The following MEF2C variants were observed in gnomAD, a reference collection of about 807,000 sequenced individuals.
MEF2C encodes the protein myocyte-specific enhancer factor 2C.
MEF2C carries 6 observed loss-of-function variants against 50.5 expected under a neutral mutation model. That is an observed-to-expected ratio of 0.12 (90% CI 0.07 to 0.23). The LOEUF is 0.23. MEF2C is among the 10% of genes least tolerant of loss of function. The pLI is 1.00. For synonymous variants in MEF2C, 183 were observed against 228.0 expected (o/e 0.80, Z 1.78); for missense variants, 276 against 605.0 (o/e 0.46, Z 5.70).
At chr5:88,844,755 T>A (rs1318361147) in intron 1 of MEF2C, 1 of 180,104 alleles carries the variant, frequency 5.6e-6, no homozygotes, top group Non-Finnish European at 1.1e-5. Flanking sequence ...CCAGCAAGTA[T>A]TTACTTACAA....
In MEF2C at chr5:88,769,962, A is replaced by C. The variant is rs550690745; in HGVS notation, c.259-8634T>G. 4.1e-6 allele frequency: 4 copies of C among 985,286 alleles called. No homozygotes were observed. The South Asian group carries it at 1.9e-4, about 46-fold the overall frequency. 61.0% of individuals were successfully genotyped at this position (985,286 alleles called of 1,614,324 possible). A position where few individuals can be genotyped will look rare whatever the true frequency, so the allele number is the denominator to read the frequency against. ...TGTCCAGCCTATCCTAATAATCTTT[A>C]TAATGCAAGTTAAGAAAAGAAAGGC... On this transcript the variant is annotated intron_variant, in intron 3 of 10. Coordinates refer to ENST00000504921, the MANE Select transcript of MEF2C (RefSeq NM_002397.5).
intron 1 of MEF2C, chr5:88,888,844 A>G (rs1834242976): frequency 6.6e-6 from 1 of 152,176 alleles, no homozygotes; most frequent in Non-Finnish European, 1.5e-5. Context: ...ATTCAAAAAT[A>G]ACCACATGCA....
At chr5:88,740,930 A>C (rs1309216817) in intron 6 of MEF2C, 1 of 985,294 alleles carries the variant, frequency 1.0e-6, no homozygotes, top group Non-Finnish European at 1.2e-6. Flanking sequence ...TTATAAACAA[A>C]AATATTGAGA....
At chr5:88,843,399 TA>T in intron 1 of MEF2C, 1 of 985,184 alleles carries the variant, frequency 1.0e-6, no homozygotes, top group Non-Finnish European at 1.2e-6. Flanking sequence ...GAAATTAAGC[TA>T]AAAAAATCAA....
chr5:88,843,353 C>CA (rs141225894), intron 1 of MEF2C: 65,278 of 982,488 alleles, frequency 0.066, 2,267 homozygotes, highest in South Asian at 0.077. Flanking sequence ...TGGTTCCCCC[C>CA]AAAAAAAACC....
chr5:88,825,702 G>T, intron 1 of MEF2C: 1 of 825,414 alleles, frequency 1.2e-6, no homozygotes, highest in Non-Finnish European at 1.5e-6. Context: ...ACTTTCCTGT[G>T]TTTCCTATAG....
At chr5:88,825,589 A>C in intron 1 of MEF2C, 1 of 981,370 alleles carries the variant, frequency 1.0e-6, no homozygotes, top group Non-Finnish European at 1.2e-6. Context: ...AATCACATTA[A>C]AATATGAAAA....
intron 3 of MEF2C, among the ~76,000 whole-genome samples, chr5:88,799,563 A>G (rs935571737): frequency 3.8e-4 from 58 of 152,300 alleles, no homozygotes; most frequent in Middle Eastern, 3.4e-3. Flanking sequence ...TGTATTTAGT[A>G]TTTTCACTAA....
At chr5:88,740,225 C>T (rs1434239614) in intron 6 of MEF2C, 11 of 948,852 alleles carry the variant, frequency 1.2e-5, no homozygotes, top group Middle Eastern at 5.3e-4. Context: ...TTTTGTTCAG[C>T]GATTTTGCGT....
intron 1 of MEF2C, among the ~76,000 whole-genome samples, chr5:88,863,478 G>T (rs1314825617): frequency 6.6e-6 from 1 of 152,256 alleles, no homozygotes; most frequent in African/African-American, 2.4e-5. Context: ...CTGTAAGAAT[G>T]CATGGATTTG....
At chr5:88,837,666 A>C (rs1218064919) in intron 1 of MEF2C, among the ~76,000 whole-genome samples, 2 of 152,232 alleles carry the variant, frequency 1.3e-5, no homozygotes, top group Non-Finnish European at 2.9e-5. Flanking sequence ...GAGGGTTGGA[A>C]TGATTCTCAC....
chr5:88,815,070 T>A (rs1275060477), intron 2 of MEF2C, among the ~76,000 whole-genome samples: 1 of 152,118 alleles, frequency 6.6e-6, no homozygotes, highest in Non-Finnish European at 1.5e-5. Flanking sequence ...ATAAAATAAA[T>A]ACCTTTGTTT....
rs1297234010 is a variant in MEF2C, at chr5:88,728,463, A to C, written c.1100+30T>G. 5 of 1,385,394 alleles carry C rather than the reference A, an allele frequency of 3.6e-6. No homozygotes were observed. In the South Asian group the frequency reaches 9.3e-5, roughly 26 times the overall value. 85.8% of individuals were successfully genotyped at this position (1,385,394 alleles called of 1,614,324 possible). A position where few individuals can be genotyped will look rare whatever the true frequency, so the allele number is the denominator to read the frequency against. On this transcript the variant is annotated intron_variant, in intron 10 of 10. Coordinates refer to ENST00000504921, the MANE Select transcript of MEF2C (RefSeq NM_002397.5). ...ATTTGTTTTTCAAAATACATTCTAA[A>C]ATTATATTATAAAAAATAATATTGC...
At chr5:88,754,233 G>A (rs1774182946) in intron 4 of MEF2C, among the ~76,000 whole-genome samples, 1 of 152,154 alleles carries the variant, frequency 6.6e-6, no homozygotes, top group Non-Finnish European at 1.5e-5. Flanking sequence ...CCACAGGCTG[G>A]CTGAGGCTGC....
chr5:88,829,441 TTTTA>T lies in MEF2C; in HGVS notation c.-142-5515_-142-5512del, dbSNP rs201841858. Among the ~76,000 whole-genome samples the T allele has an allele frequency of 3.2e-3, 489 of 152,120 alleles. 6 individuals are homozygous for T. The highest frequency in any genetic ancestry group is 0.011 in the African/African-American group (451 of 41,548). On this transcript the variant is annotated intron_variant, in intron 1 of 10. Coordinates refer to ENST00000504921, the MANE Select transcript of MEF2C (RefSeq NM_002397.5). The stretch of plus-strand genomic sequence containing the variant: ...GTTTGCTTGTCTTCCTCAACATCTG[TTTTA>T]TTTGTTTGTTTCACCGTTTTATCCA...
chr5:88,868,486 C>T (rs770524977), intron 1 of MEF2C, among the ~76,000 whole-genome samples: 1 of 152,114 alleles, frequency 6.6e-6, no homozygotes, highest in Admixed American at 6.6e-5. Flanking sequence ...GAAAGGATGT[C>T]ATGTATATTC....
intron 2 of MEF2C, among the ~76,000 whole-genome samples, chr5:88,807,706 C>A (rs543589428): frequency 6.6e-4 from 101 of 152,178 alleles, no homozygotes; most frequent in African/African-American, 2.4e-3. Context: ...TCTTAGTTGA[C>A]TTAACCAAAA....
intron 6 of MEF2C, chr5:88,734,222 T>G (rs906445765): frequency 1.7e-5 from 17 of 985,216 alleles, no homozygotes; most frequent in South Asian, 4.7e-5. Flanking sequence ...TGCTCTATAC[T>G]TTGCTGTCAG....
At chr5:88,785,328 TTA>T (rs1404547231) in intron 3 of MEF2C, 1 of 150,526 alleles carries the variant, frequency 6.6e-6, no homozygotes, top group Non-Finnish European at 1.5e-5. Context: ...ACGTATTTTT[TTA>T]TGACTTACTC....
Sources: allele counts gnomAD v4.1 joint callset (sites outside exome capture counted in the v4.1 genomes callset), GRCh38; gene constraint gnomAD v4.1.1; transcripts MANE v1.5; gene names NCBI Gene and HGNC (gene_info 2026-07-23, HGNC 2026-07-21).